TATDN2: variants seen among roughly 807,000 people sequenced by gnomAD.
The protein encoded by TATDN2 is TatD DNase domain containing 2.
A neutral mutation model predicts 60.3 loss-of-function variants in TATDN2; 44 were observed. The ratio of observed to expected loss-of-function variants is 0.73; its 90% confidence interval spans 0.57 to 0.94. The LOEUF (loss-of-function observed/expected upper bound fraction) is 0.94. TATDN2 is among the 40% of genes least tolerant of loss of function. The pLI is 0.00. For synonymous variants in TATDN2, 399 were observed against 355.8 expected, an observed-to-expected ratio of 1.12 and a Z score of -1.37; for missense variants, 997 against 948.0, an observed-to-expected ratio of 1.05 and a Z score of -0.68.
At chr3:10,250,367 T>A (rs1358859421) in intron 2 of TATDN2, among the ~76,000 whole-genome samples, 5 of 152,028 alleles carry the variant, frequency 3.3e-5, no homozygotes, top group Non-Finnish European at 7.3e-5. Context: ...TCTAGGTGTT[T>A]GGGATTCTTT....
intron 3 of TATDN2, among the ~76,000 whole-genome samples, chr3:10,264,621 C>A (rs2125176661): frequency 6.6e-6 from 1 of 150,992 alleles, no homozygotes; most frequent in African/African-American, 2.4e-5. Flanking sequence ...TTCCAATTTT[C>A]TTTTCTTCCC....
At chr3:10,276,257 A>C in intron 4 of TATDN2, 104 bp from the exon 5 acceptor site, 1 of 1,429,136 alleles carries the variant, frequency 7.0e-7, no homozygotes. Context: ...ATATAGTTAA[A>C]AAAAGAGAGA....
At position 10,249,315 on chromosome 3, in the gene TATDN2, G is replaced by A. The variant is rs1378294989; in HGVS notation, c.115G>A (p.Ala39Thr). 2.5e-6 allele frequency: 4 copies of A among 1,611,022 alleles called. No individual in the cohort carries two copies. The highest frequency in any genetic ancestry group is 1.3e-5 in the African/African-American group (1 of 75,016). The change falls in exon 2 of 8, where the codon GCT (alanine) becomes ACT (threonine). Residue 39 changes from alanine (A) to threonine (T), a missense_variant. Coordinates refer to ENST00000448281, the MANE Select transcript of TATDN2 (RefSeq NM_014760.4). ...TGATGTGGCCCCCTCCAGCCGGCCA[G>A]CTCAGAGGTCTGCGTCGCGTTCTGG... Reference protein sequence around the residue: ...PCDVAPSSRPAQRSASRSGGP... With the variant: ...PCDVAPSSRPTQRSASRSGGP...
chr3:10,256,299 G>T (rs1017776621), intron 2 of TATDN2, among the ~76,000 whole-genome samples: 5 of 152,066 alleles, frequency 3.3e-5, no homozygotes, highest in African/African-American at 1.2e-4. Context: ...TCAGCTCCTG[G>T]AGTAGCTGGG....
chr3:10,267,158 T>G (rs1030308589), intron 3 of TATDN2, among the ~76,000 whole-genome samples: 1 of 152,030 alleles, frequency 6.6e-6, no homozygotes, highest in Non-Finnish European at 1.5e-5. Context: ...TCAGCTCAAG[T>G]GGTCTGCCTG....
intron 2 of TATDN2, among the ~76,000 whole-genome samples, chr3:10,254,257 C>G (rs1698271142): frequency 2.0e-5 from 3 of 151,904 alleles, no homozygotes; most frequent in Admixed American, 1.3e-4. Context: ...GTTTGGAGTA[C>G]CCAAGGGTCA....
chr3:10,259,060 CAG>C (rs1329824785), intron 2 of TATDN2, among the ~76,000 whole-genome samples: 4 of 152,268 alleles, frequency 2.6e-5, no homozygotes, highest in Non-Finnish European at 4.4e-5. Flanking sequence ...TTAGTAGAGA[CAG>C]AGTTTTGACA....
In TATDN2 at chr3:10,248,490, G is replaced by C. The variant is rs1253664305; in HGVS notation, c.-584G>C. The C allele has an allele frequency of 6.6e-6, 1 of 152,182 alleles. No homozygotes were observed. Among genetic ancestry groups the C allele is most frequent in the Non-Finnish European group, 1.5e-5 (1 of 68,048 alleles). 9.4% of individuals were successfully genotyped at this position (152,182 alleles called of 1,614,324 possible). ...CTCCGGCCTGCGGGCCGCAGGGCTC[G>C]TTCCGGAGGGCGGGCGCCACGGAGG... On this transcript the variant is annotated 5_prime_UTR_variant, in exon 1 of 8. Transcript: ENST00000448281.
chr3:10,277,867 T>A (rs1400321029), intron 5 of TATDN2, among the ~76,000 whole-genome samples: 1 of 152,206 alleles, frequency 6.6e-6, no homozygotes, highest in African/African-American at 2.4e-5. Flanking sequence ...CACCTGTAGT[T>A]CGACTCCCCA....
chr3:10,275,768 C>CA (rs1698627460), intron 4 of TATDN2, among the ~76,000 whole-genome samples: 100 of 938 alleles, frequency 0.11, no homozygotes, highest in Admixed American at 0.22. Context: ...CAAAACAAAA[C>CA]AAAAAAAAAC....
At chr3:10,260,785 G>T in intron 3 of TATDN2, 115 bp downstream of exon 3, 1 of 1,259,758 alleles carries the variant, frequency 7.9e-7, no homozygotes, top group Non-Finnish European at 1.1e-6. Flanking sequence ...TACTTAACCA[G>T]GCCTCCAGGG....
intron 3 of TATDN2, among the ~76,000 whole-genome samples, chr3:10,269,194 T>C (rs2270455): frequency 1.3e-5 from 2 of 152,200 alleles, no homozygotes; most frequent in Non-Finnish European, 2.9e-5. Flanking sequence ...GTTGCCGGAC[T>C]TCTTACATGG....
rs750744085 is a variant in TATDN2, at chr3:10,260,306, T to G, written c.584T>G (p.Leu195Arg). ...TACCTGAAGGCTATCCAGGGCATCC[T>G]GGGGAAATCGATGCCAAAAAGGAAG... is the stretch of plus-strand genomic sequence containing the variant. ...MIYLKAIQGILGKSMPKRKGE... is the reference protein window; with the variant it reads ...MIYLKAIQGIRGKSMPKRKGE... Residue 195 changes from leucine to arginine, a missense_variant, in exon 3 of 8, where the codon CTG (leucine) becomes CGG (arginine). Transcript: ENST00000448281. 1 of 1,614,010 alleles carries G rather than the reference T, an allele frequency of 6.2e-7. No individual in the cohort carries two copies. Among genetic ancestry groups the G allele is most frequent in the East Asian group, 2.2e-5 (1 of 44,884 alleles).
rs562713596 is a variant in TATDN2, at chr3:10,275,817, T to C, written c.1834-544T>C. On this transcript the variant is annotated intron_variant, in intron 4 of 7. Transcript: ENST00000448281. ...GAAAATAAGTGTAGTATTTGTTTCT[T>C]TAACAAATATTTGAGTACCTTCTGA... Among the ~76,000 whole-genome samples, 21 of 152,194 alleles carry C rather than the reference T, an allele frequency of 1.4e-4. No homozygotes were observed. In the South Asian group the frequency reaches 4.1e-3, roughly 30 times the overall value.
intron 2 of TATDN2, among the ~76,000 whole-genome samples, 164 bp downstream of exon 2, chr3:10,249,778 C>T (rs971500940): frequency 6.6e-6 from 1 of 152,204 alleles, no homozygotes; most frequent in Non-Finnish European, 1.5e-5. Flanking sequence ...ACCTAGCAGT[C>T]TTCCAGGCGC....
chr3:10,272,440 ATT>A (rs78435606), intron 4 of TATDN2, among the ~76,000 whole-genome samples: 62 of 143,096 alleles, frequency 4.3e-4, no homozygotes, highest in Middle Eastern at 3.5e-3. Context: ...CACCCGGCTA[ATT>A]TTTTTTTTTT....
chr3:10,256,233 G>A (rs1185517904), intron 2 of TATDN2, among the ~76,000 whole-genome samples: 1 of 152,040 alleles, frequency 6.6e-6, no homozygotes, highest in Non-Finnish European at 1.5e-5. Flanking sequence ...GAGTGCAGTG[G>A]CACAAGCTCG....
chr3:10,276,478 A>C lies in TATDN2; in HGVS notation c.1951A>C (p.Lys651Gln). Residue 651 changes from lysine (K) to glutamine (Q), a missense_variant, in exon 5 of 8, where the codon AAG (lysine) becomes CAG (glutamine). Lys to Gln is a moderately conservative substitution (Grantham distance 53). Coordinates refer to ENST00000448281, the MANE Select transcript of TATDN2 (RefSeq NM_014760.4). ...IMKKFVPPDY[K>Q]IHRHCFTGSY... ...GAAAAAGTTTGTGCCCCCTGACTACAAGATCCATAGGTTAGAAGACTGGAA... is the reference window on the plus strand; with the variant it reads ...GAAAAAGTTTGTGCCCCCTGACTACCAGATCCATAGGTTAGAAGACTGGAA... 1.2e-6 allele frequency: 2 copies of C among 1,614,122 alleles called. No individual in the cohort carries two copies. Among genetic ancestry groups the C allele is most frequent in the South Asian group, 2.2e-5 (2 of 91,084 alleles).
At chr3:10,276,194 G>T (rs1698634289) in intron 4 of TATDN2, among the ~76,000 whole-genome samples, 167 bp from the exon 5 acceptor site, 3 of 152,206 alleles carry the variant, frequency 2.0e-5, no homozygotes, top group Admixed American at 2.0e-4. Context: ...AGTGCTTTGG[G>T]CACTACCTGG....
Sources: gnomAD v4.1 joint callset for allele counts (sites outside exome capture counted in the v4.1 genomes callset) on GRCh38, gnomAD v4.1.1 for gene constraint, MANE v1.5 for transcripts, NCBI Gene and HGNC (gene_info 2026-07-23, HGNC 2026-07-21) for gene names.